The following VWA5B1 variants were observed in gnomAD, a reference collection of about 807,000 sequenced individuals.
VWA5B1 encodes von Willebrand factor A domain containing 5B1.
VWA5B1 carries 115 observed loss-of-function variants against 118.2 expected under a neutral mutation model. The observed-to-expected ratio is 0.97, with a 90% CI of 0.84 to 1.14. VWA5B1 has a LOEUF of 1.14. VWA5B1 is among the 50% of genes most tolerant of loss of function. The pLI is 0.00. For synonymous variants in VWA5B1, 682 were observed against 658.4 expected (o/e 1.04, Z -0.55); for missense variants, 1,596 against 1,603.8 (o/e 1.00, Z 0.08).
At chr1:20,339,378 C>CA (rs2089814309) in intron 14 of VWA5B1, among the ~76,000 whole-genome samples, 1 of 151,846 alleles carries the variant, frequency 6.6e-6, no homozygotes, top group South Asian at 2.1e-4. Flanking sequence ...CCTGTCTCTA[C>CA]AAAAAATACA....
At chr1:20,347,569 A>T (rs2090033313) in intron 17 of VWA5B1, among the ~76,000 whole-genome samples, 1 of 152,030 alleles carries the variant, frequency 6.6e-6, no homozygotes, top group Admixed American at 6.6e-5. Context: ...CCTTCCCAGT[A>T]GGTGGGACTA....
rs571065071 is a variant in VWA5B1 at position 20,312,918 on chromosome 1, G to A, written c.222G>A (p.Gln74=). The A allele has an allele frequency of 1.5e-5, 23 of 1,551,708 alleles. No homozygotes were observed. The South Asian group carries it at 2.3e-4, about 15-fold the overall frequency. ...AVIADRVVTV[Q]IKDKAKLESG... is the part of the protein sequence containing the mutation. ...TTGCCGACCGTGTCGTGACAGTACA[G>A]ATCAAGGACAAAGCCAAGCTGGAGA... The change falls in exon 3 of 22, where the codon CAG becomes CAA. Residue 74 remains glutamine (Q), a synonymous_variant. Transcript: ENST00000289815.
At chr1:20,302,069 CCAAA>C (rs1313441879) in intron 1 of VWA5B1, among the ~76,000 whole-genome samples, 4 of 152,222 alleles carry the variant, frequency 2.6e-5, no homozygotes, top group South Asian at 2.1e-4. Flanking sequence ...TTCAGCAGGC[CCAAA>C]CAGTCTCCTA....
chr1:20,355,583 A>G lies in VWA5B1; in HGVS notation c.*1320A>G, dbSNP rs2090214518. 6.6e-6 allele frequency among the ~76,000 whole-genome samples: 1 copy of G among 152,206 alleles called. No homozygotes were observed. The highest frequency in any genetic ancestry group is 2.4e-5 in the African/African-American group (1 of 41,462). On this transcript the variant is annotated 3_prime_UTR_variant, in exon 22 of 22. Coordinates refer to ENST00000289815, the MANE Select transcript of VWA5B1 (RefSeq NM_001039500.3). ...AATTCCTGTCCCAACCTTGGAGTGA[A>G]GCTCCACAGACTTCCCTCGTGGGAA...
intron 1 of VWA5B1, among the ~76,000 whole-genome samples, chr1:20,305,939 A>G (rs1319052947): frequency 1.3e-5 from 2 of 152,216 alleles, no homozygotes. Flanking sequence ...GTGATGACAT[A>G]TGGATCCATG....
intron 21 of VWA5B1, among the ~76,000 whole-genome samples, chr1:20,352,648 C>T (rs1022963780): frequency 6.6e-6 from 1 of 152,180 alleles, no homozygotes; most frequent in East Asian, 1.9e-4. Flanking sequence ...CTGGAGTGGG[C>T]TTCTCTGAAT....
intron 1 of VWA5B1, among the ~76,000 whole-genome samples, chr1:20,305,362 A>C (rs1291106320): frequency 2.6e-5 from 4 of 152,118 alleles, no homozygotes; most frequent in Non-Finnish European, 5.9e-5. Flanking sequence ...CACTGTTCCC[A>C]AGCATGCTCG....
rs554490942 is a variant in VWA5B1, at chr1:20,336,415, C to G, written c.1871C>G (p.Ser624Trp). ...GLEGGDCAKNSGAPFILGQAK... is the reference protein window; with the variant it reads ...GLEGGDCAKNWGAPFILGQAK... ...GAAGGTGGAGACTGTGCCAAGAACT[C>G]GGGGGCACCCTTCATCCTAGGGCAG... Residue 624 changes from serine (S) to tryptophan (W), a missense_variant, in exon 13 of 22, where the codon TCG becomes TGG. By Grantham distance (177) the Ser-to-Trp change is radical. Coordinates refer to ENST00000289815, the MANE Select transcript of VWA5B1 (RefSeq NM_001039500.3). 3.9e-6 allele frequency: 6 copies of G among 1,522,322 alleles called. No homozygotes were observed. In the African/African-American group the frequency reaches 8.3e-5, roughly 21 times the overall value. The allele number at this position is 1,522,322 out of a possible 1,614,324, so 94.3% of individuals were successfully genotyped here.
chr1:20,327,473 G>A (rs1486451137), intron 8 of VWA5B1, among the ~76,000 whole-genome samples: 2 of 152,116 alleles, frequency 1.3e-5, no homozygotes, highest in Non-Finnish European at 2.9e-5. Flanking sequence ...ACCTGGACCA[G>A]GCCACTTTCC....
At chr1:20,325,601 G>A (rs1018506646) in intron 8 of VWA5B1, among the ~76,000 whole-genome samples, 2 of 152,186 alleles carry the variant, frequency 1.3e-5, no homozygotes, top group Admixed American at 1.3e-4. Flanking sequence ...TGGACTGAAA[G>A]CCTGTCCAAT....
chr1:20,324,413 T>A (rs1051538407), intron 8 of VWA5B1, among the ~76,000 whole-genome samples: 2 of 152,170 alleles, frequency 1.3e-5, no homozygotes, highest in Non-Finnish European at 2.9e-5. Context: ...CATTGTGGCA[T>A]TATCCAACAC....
At chr1:20,325,699 A>G (rs1393022759) in intron 8 of VWA5B1, among the ~76,000 whole-genome samples, 1 of 152,180 alleles carries the variant, frequency 6.6e-6, no homozygotes, top group East Asian at 1.9e-4. Context: ...GCCCTTCTCC[A>G]GTTCAGCTCA....
At chr1:20,326,088 C>A (rs2089370747) in intron 8 of VWA5B1, among the ~76,000 whole-genome samples, 2 of 152,154 alleles carry the variant, frequency 1.3e-5, no homozygotes, top group African/African-American at 4.8e-5. Context: ...CTCCTCCTAG[C>A]AGGAATATGC....
In VWA5B1 at chr1:20,330,427, G is replaced by A. The variant is rs141894113; in HGVS notation, c.1457+45G>A. On this transcript the variant is annotated intron_variant, in intron 10 of 21. Transcript: ENST00000289815. Reference sequence around the variant, plus strand: ...CTAGGCTCGGTGACTCCAGGCTGCCGGGGCTGGGGCGCCAGAGCCCAAGGG... The same window carrying A: ...CTAGGCTCGGTGACTCCAGGCTGCCAGGGCTGGGGCGCCAGAGCCCAAGGG... 906 of 1,545,266 alleles carry A rather than the reference G, an allele frequency of 5.9e-4. 2 individuals carry two copies. The East Asian group carries it at 0.014, about 23-fold the overall frequency.
chr1:20,299,963 G>A (rs1007812901), intron 1 of VWA5B1, among the ~76,000 whole-genome samples: 1 of 152,210 alleles, frequency 6.6e-6, no homozygotes, highest in Non-Finnish European at 1.5e-5. Flanking sequence ...AGAGCAGCTG[G>A]CTGGCAGGTG....
At chr1:20,299,131 A>G (rs750607009) in intron 1 of VWA5B1, among the ~76,000 whole-genome samples, 2 of 152,230 alleles carry the variant, frequency 1.3e-5, no homozygotes, top group African/African-American at 4.8e-5. Flanking sequence ...GACCCAATGG[A>G]GGAGTTTGTG....
In VWA5B1 at chr1:20,343,121, C is replaced by A. The variant is rs950252911; in HGVS notation, c.2354C>A (p.Ser785Ter). ...HPSAFETETSSDWDPPAESQE... is the reference protein window; with the variant it reads ...HPSAFETETS ...TCTGCCTTCGAGACAGAGACGTCCT[C>A]GGACTGGGACCCCCCAGCCGAGTCC... The change falls in exon 16 of 22, where the codon TCG becomes TAG. Residue 785 changes from serine (S) to a stop codon, truncating the protein, a stop_gained. Coordinates refer to ENST00000289815, the MANE Select transcript of VWA5B1 (RefSeq NM_001039500.3). LOFTEE classifies it high-confidence loss of function. 2 of 1,540,180 alleles carry A rather than the reference C, an allele frequency of 1.3e-6. No homozygotes were observed. Among genetic ancestry groups the A allele is most frequent in the Non-Finnish European group, 1.8e-6 (2 of 1,139,670 alleles).
intron 1 of VWA5B1, among the ~76,000 whole-genome samples, chr1:20,308,994 C>CCA (rs960964205): frequency 2.0e-5 from 3 of 152,156 alleles, no homozygotes. Context: ...GACTTCTATC[C>CCA]CACACCCTTC....
intron 1 of VWA5B1, among the ~76,000 whole-genome samples, chr1:20,307,719 C>T (rs763094435): frequency 2.4e-4 from 36 of 152,056 alleles, no homozygotes; most frequent in Non-Finnish European, 2.5e-4. Flanking sequence ...ACAGTAGGTG[C>T]TTATCAATGC....
Sources: gnomAD v4.1 joint callset for allele counts (sites outside exome capture counted in the v4.1 genomes callset) on GRCh38, gnomAD v4.1.1 for gene constraint, MANE v1.5 for transcripts, NCBI Gene and HGNC (gene_info 2026-07-23, HGNC 2026-07-21) for gene names.